Variants in NPR3 observed in about 807,000 individuals in gnomAD.
The protein encoded by NPR3 is natriuretic peptide receptor 3, also known as atrial natriuretic peptide receptor 3.
A neutral mutation model predicts 54.5 loss-of-function variants in NPR3; 34 were observed. The observed-to-expected ratio is 0.62, with a 90% confidence interval of 0.47 to 0.83. The LOEUF is 0.83. Ranked by LOEUF, NPR3 falls within the 40% of genes least tolerant of loss-of-function variation. The pLI is 0.00. For missense variants in NPR3, 674 were observed against 720.8 expected (o/e 0.94, Z 0.74); for synonymous variants, 289 against 297.1 (o/e 0.97, Z 0.28).
chr5:32,763,394 C>A (rs1741278053), intron 3 of NPR3, among the ~76,000 whole-genome samples: 1 of 152,062 alleles, frequency 6.6e-6, no homozygotes, highest in African/African-American at 2.4e-5. Flanking sequence ...TGCAGTGCAG[C>A]TCACTGCAAC....
intron 1 of NPR3, among the ~76,000 whole-genome samples, chr5:32,699,526 T>C (rs1282451382): frequency 6.6e-6 from 1 of 152,188 alleles, no homozygotes; most frequent in Non-Finnish European, 1.5e-5. Context: ...TGTGTTCTTA[T>C]TGTTTAACTC....
At chr5:32,781,700 T>A (rs994039782) in intron 5 of NPR3, among the ~76,000 whole-genome samples, 1 of 152,220 alleles carries the variant, frequency 6.6e-6, no homozygotes, top group Non-Finnish European at 1.5e-5. Flanking sequence ...TAATGAATGA[T>A]TGTTTTGCCC....
At chr5:32,728,835 G>GTACA (rs1226669792) in intron 2 of NPR3, among the ~76,000 whole-genome samples, 1 of 60,634 alleles carries the variant, frequency 1.6e-5, no homozygotes, top group East Asian at 6.8e-4. Flanking sequence ...GTGTGTGTGT[G>GTACA]TGTATATATA....
intron 3 of NPR3, among the ~76,000 whole-genome samples, chr5:32,750,183 C>T (rs750993217): frequency 8.5e-5 from 13 of 152,322 alleles, no homozygotes; most frequent in South Asian, 2.1e-4. Flanking sequence ...GGCTGGAGTG[C>T]GGTGGCGCGA....
intron 1 of NPR3, among the ~76,000 whole-genome samples, chr5:32,722,224 C>CCT (rs1296043587): frequency 3.2e-4 from 49 of 151,998 alleles, no homozygotes; most frequent in Non-Finnish European, 6.5e-4. Context: ...GTCCTTGGAC[C>CCT]CTGGCTGTTT....
upstream of NPR3, among the ~76,000 whole-genome samples, chr5:32,706,164 G>A (rs1354254604): frequency 6.6e-6 from 1 of 152,126 alleles, no homozygotes; most frequent in Non-Finnish European, 1.5e-5. Flanking sequence ...CCTGCACTCT[G>A]TCTCAGCATG....
chr5:32,759,901 A>G (rs564062795), intron 3 of NPR3, among the ~76,000 whole-genome samples: 1 of 152,252 alleles, frequency 6.6e-6, no homozygotes, highest in East Asian at 1.9e-4. Context: ...CTGGGTTGAA[A>G]ATTCTTTTCT....
At chr5:32,710,996 A>C (rs1268406489), upstream of NPR3, among the ~76,000 whole-genome samples, 1 of 151,860 alleles carries the variant, frequency 6.6e-6, no homozygotes, top group Non-Finnish European at 1.5e-5. Flanking sequence ...GAGCGTGGAA[A>C]GGGAGAGGCG....
rs183784539 is a variant in NPR3, at chr5:32,747,341, G to A, written c.1059+8311G>A. On this transcript the variant is annotated intron_variant, in intron 3 of 7. Transcript: ENST00000265074. ...TACCTTCCTAATACTTTATAACATA[G>A]TTTCTGGTTAAAAATACATTCATAA... Among the ~76,000 whole-genome samples the A allele has an allele frequency of 2.7e-3, 412 of 152,104 alleles. 3 individuals carry two copies. Among genetic ancestry groups the A allele is most frequent in the Admixed American group, 1.8e-3 (27 of 15,282 alleles).
chr5:32,730,150 G>A (rs934041954), intron 2 of NPR3, among the ~76,000 whole-genome samples: 2 of 151,870 alleles, frequency 1.3e-5, no homozygotes, highest in Non-Finnish European at 2.9e-5. Flanking sequence ...TGCAAAGTTG[G>A]TTGTATATTT....
intron 3 of NPR3, among the ~76,000 whole-genome samples, chr5:32,746,067 G>A (rs568118093): frequency 3.3e-5 from 5 of 152,302 alleles, no homozygotes; most frequent in African/African-American, 1.2e-4. Flanking sequence ...ACTCTGACAC[G>A]CTGGTGATAA....
intron 3 of NPR3, among the ~76,000 whole-genome samples, chr5:32,757,263 A>G (rs1383086829): frequency 1.3e-5 from 2 of 152,046 alleles, no homozygotes; most frequent in African/African-American, 4.8e-5. Context: ...ATTTGTTTGT[A>G]TCCTCTTTTA....
chr5:32,710,600 C>T (rs1738156764), upstream of NPR3: 4 of 1,400,750 alleles, frequency 2.9e-6, no homozygotes, highest in Non-Finnish European at 2.8e-6. Flanking sequence ...AGGGGGCTGG[C>T]GCGGGGCTGA....
Position 32,711,902 on chromosome 5 carries a change from C to T in NPR3, c.126C>T (p.Arg42=), listed in dbSNP as rs1301392375. Residue 42 remains arginine, a synonymous_variant, in exon 1 of 8, where the codon CGC becomes CGT. Transcript: ENST00000265074. ...GTGGCGCGGGCATAGGCGGCGGACG[C>T]CAGGAGAGAGAGGCGCTGCCGCCAC... is the stretch of plus-strand genomic sequence containing the variant. ...GGGGAGIGGG[R]QEREALPPQK... is the part of the protein sequence containing the mutation. 6.7e-7 allele frequency: 1 copy of T among 1,488,358 alleles called. No homozygotes were observed. Among genetic ancestry groups the T allele is most frequent in the Admixed American group, 2.5e-5 (1 of 40,652 alleles). The allele number at this position is 1,488,358 out of a possible 1,614,324, so 92.2% of individuals were successfully genotyped here. A position where few individuals can be genotyped will look rare whatever the true frequency, so the allele number is the denominator to read the frequency against.
intron 3 of NPR3, among the ~76,000 whole-genome samples, chr5:32,751,477 G>A (rs966105817): frequency 1.3e-5 from 2 of 152,144 alleles, no homozygotes; most frequent in Non-Finnish European, 2.9e-5. Context: ...CTTGTTTTTG[G>A]GGTAGAATTT....
At chr5:32,732,235 G>A (rs1483883450) in intron 2 of NPR3, among the ~76,000 whole-genome samples, 1 of 111,770 alleles carries the variant, frequency 8.9e-6, no homozygotes. Context: ...GCGACAGAGC[G>A]AGACTCCGTC....
chr5:32,703,532 G>A (rs1436250564), intron 1 of NPR3, among the ~76,000 whole-genome samples: 1 of 152,176 alleles, frequency 6.6e-6, no homozygotes, highest in Non-Finnish European at 1.5e-5. Flanking sequence ...TATTACTGCT[G>A]ACTATTCAGG....
intron 3 of NPR3, among the ~76,000 whole-genome samples, chr5:32,766,231 T>C (rs575211692): frequency 6.6e-6 from 1 of 152,282 alleles, no homozygotes; most frequent in Non-Finnish European, 1.5e-5. Context: ...TAGAGGTCCC[T>C]AGCAGGAAGG....
rs1742697623 is a variant in NPR3 at position 32,787,439 on chromosome 5, CA to C, written c.*1095del. 1 of 152,182 alleles carries C rather than the reference CA, an allele frequency of 6.6e-6. No homozygotes were observed. Among genetic ancestry groups the C allele is most frequent in the African/African-American group, 2.4e-5 (1 of 41,436 alleles). 9.4% of individuals were successfully genotyped at this position (152,182 alleles called of 1,614,324 possible). On this transcript the variant is annotated 3_prime_UTR_variant, in exon 8 of 8. Coordinates refer to ENST00000265074, the MANE Select transcript of NPR3 (RefSeq NM_001204375.2). The stretch of plus-strand genomic sequence containing the variant: ...AGAGTAAAAAGTTATTAGAATTAAA[CA>C]GTTTTATAAAGGGAGGCAGCCCTTT...
Sources: gnomAD v4.1 joint callset for allele counts (sites outside exome capture counted in the v4.1 genomes callset) on GRCh38, gnomAD v4.1.1 for gene constraint, MANE v1.5 for transcripts, NCBI Gene and HGNC (gene_info 2026-07-23, HGNC 2026-07-21) for gene names.